HDLBP: variants seen among roughly 807,000 people sequenced by gnomAD.
The protein encoded by HDLBP is vigilin.
HDLBP carries 30 observed loss-of-function variants against 137.3 expected under a neutral mutation model. The observed-to-expected ratio is 0.22, with a 90% CI of 0.16 to 0.30. The LOEUF (loss-of-function observed/expected upper bound fraction) is 0.30. Among genes scored for constraint, HDLBP ranks in the 10% least tolerant of loss-of-function variants. The pLI, the probability that HDLBP is intolerant of heterozygous loss-of-function variation, is 1.00. For missense variants in HDLBP, 1,119 were observed against 1,667.3 expected, an observed-to-expected ratio of 0.67 and a Z score of 5.73; for synonymous variants, 606 against 596.0, an observed-to-expected ratio of 1.02 and a Z score of -0.24.
chr2:241,273,612 G>A (rs1360248035), intron 1 of HDLBP: 1 of 985,262 alleles, frequency 1.0e-6, no homozygotes, highest in African/African-American at 1.7e-5. Context: ...GCAATCTGTA[G>A]AGATGTCAGT....
Position 241,236,838 on chromosome 2 carries a change from A to G in HDLBP, c.2750-69T>C, listed in dbSNP as rs113351913. ...AGACCCCACACCTTGTTCAGAATGC[A>G]TATGTCTGTGAGGCACCTGCTGGGT... On this transcript the variant is annotated intron_variant, in intron 20 of 27. Coordinates refer to ENST00000310931, the MANE Select transcript of HDLBP (RefSeq NM_005336.6). The G allele has an allele frequency of 5.9e-4, 912 of 1,536,036 alleles. 3 individuals carry two copies. In the African/African-American group the frequency reaches 0.01, roughly 17 times the overall value.
chr2:241,248,662 A>G (rs971720673), intron 12 of HDLBP, among the ~76,000 whole-genome samples: 1 of 152,140 alleles, frequency 6.6e-6, no homozygotes, highest in Non-Finnish European at 1.5e-5. Context: ...AGTAATCACC[A>G]AAGCAATTCA....
rs376646376 is a variant in HDLBP, at chr2:241,230,973, G to A, written c.3289-29C>T. On this transcript the variant is annotated intron_variant, in intron 24 of 27. Coordinates refer to ENST00000310931, the MANE Select transcript of HDLBP (RefSeq NM_005336.6). This position sits in a 1 kb window ranked among gnomAD's most constrained non-coding sequence, Gnocchi z 5.0. ...AAAAAGGAGAATGTAGTCAGAAAAG[G>A]GGATGCCTTACTGGGATTCCCGTCA... 2.4e-4 allele frequency: 382 copies of A among 1,596,602 alleles called. No homozygotes were observed. The Middle Eastern group carries it at 2.8e-3, about 12-fold the overall frequency.
rs34675892 is a variant in HDLBP, at chr2:241,258,346, CAAAAAAAAAAA to C, written c.451-1551_451-1541del. Among the ~76,000 whole-genome samples the C allele has an allele frequency of 8.2e-3, 453 of 55,482 alleles. 2 individuals are homozygous for C. The highest frequency in any genetic ancestry group is 0.012 in the Non-Finnish European group (372 of 32,188). The allele number at this position is 55,482 out of a possible 152,430, so 36.4% of individuals were successfully genotyped here. A position where few individuals can be genotyped will look rare whatever the true frequency, so the allele number is the denominator to read the frequency against. ...TGGGCGACAGAGCAAGACTCCGTCT[CAAAAAAAAAAA>C]AAAAAAAAAAAAAAAAATTAGCTGG... On this transcript the variant is annotated intron_variant, in intron 5 of 27. Coordinates refer to ENST00000310931, the MANE Select transcript of HDLBP (RefSeq NM_005336.6).
chr2:241,267,814 C>T (rs2149550411), intron 2 of HDLBP: 1 of 1,467,696 alleles, frequency 6.8e-7, no homozygotes, highest in East Asian at 2.5e-5. Flanking sequence ...TCTCCCATCC[C>T]TCCAGGTGTG....
Position 241,273,164 on chromosome 2 carries a change from G to A in HDLBP, c.-102-4623C>T, listed in dbSNP as rs529496863. 2.1e-4 allele frequency: 207 copies of A among 985,504 alleles called. No homozygotes were observed. The African/African-American group carries it at 3.5e-3, about 16-fold the overall frequency. 61.0% of individuals were successfully genotyped at this position (985,504 alleles called of 1,614,324 possible). On this transcript the variant is annotated intron_variant, in intron 1 of 27. Coordinates refer to ENST00000310931, the MANE Select transcript of HDLBP (RefSeq NM_005336.6). ...AGTACCGCCCACCTCCCCAAAATCA[G>A]AAGAAAAACCTCAAAGGATGCCCAC...
At chr2:241,313,248 G>T (rs183890718) in intron 1 of HDLBP, among the ~76,000 whole-genome samples, 1 of 152,202 alleles carries the variant, frequency 6.6e-6, no homozygotes, top group African/African-American at 2.4e-5. Flanking sequence ...TAGACCACAA[G>T]CTGCCTGAGG....
chr2:241,292,826 G>T (rs1412432946), intron 1 of HDLBP, among the ~76,000 whole-genome samples: 2 of 152,118 alleles, frequency 1.3e-5, no homozygotes, highest in African/African-American at 4.8e-5. Context: ...AAAAGGAAAA[G>T]AAACCTGGGC....
intron 1 of HDLBP, among the ~76,000 whole-genome samples, chr2:241,299,654 G>A (rs1416401009): frequency 1.3e-5 from 2 of 152,024 alleles, no homozygotes; most frequent in Non-Finnish European, 2.9e-5. Flanking sequence ...GGTGGCTCAC[G>A]CCTGTAATCC....
At chr2:241,258,346 CAAAAAAAAAAAAAAAA>C (rs34675892) in intron 5 of HDLBP, among the ~76,000 whole-genome samples, 15 of 55,460 alleles carry the variant, frequency 2.7e-4, no homozygotes, top group Non-Finnish European at 4.0e-4. Context: ...GACTCCGTCT[CAAAAAAAAAAAAAAAA>C]AAAAAAAAAA....
At chr2:241,312,956 A>G (rs2075797161) in intron 1 of HDLBP, among the ~76,000 whole-genome samples, 3 of 152,136 alleles carry the variant, frequency 2.0e-5, no homozygotes, top group South Asian at 4.1e-4. Context: ...GCCCTCTACC[A>G]TTTGCCATGG....
rs2074214277 is a variant in HDLBP, at chr2:241,272,831, CG to C, written c.-102-4291del. The C allele has an allele frequency of 3.6e-6, 1 of 280,256 alleles. No homozygotes were observed. The highest frequency in any genetic ancestry group is 1.4e-4 in the South Asian group (1 of 7,328). 17.4% of individuals were successfully genotyped at this position (280,256 alleles called of 1,614,324 possible). A position where few individuals can be genotyped will look rare whatever the true frequency, so the allele number is the denominator to read the frequency against. ...CCGCGCGGGAGAAGCCGGGACGCTCCGAGGCGCGGCGCCCGGGCCCCGGCTG... is the reference window on the plus strand; with the variant it reads ...CCGCGCGGGAGAAGCCGGGACGCTCCAGGCGCGGCGCCCGGGCCCCGGCTG... On this transcript the variant is annotated intron_variant, in intron 1 of 27. Coordinates refer to ENST00000310931, the MANE Select transcript of HDLBP (RefSeq NM_005336.6). The surrounding 1 kb of genome is among the most constrained non-coding windows in gnomAD (Gnocchi z 5.6).
intron 1 of HDLBP, chr2:241,273,663 T>C (rs1366526586): frequency 1.0e-6 from 1 of 985,096 alleles, no homozygotes; most frequent in Non-Finnish European, 1.2e-6. Flanking sequence ...GAATCCTGCA[T>C]AGGGCACAGG....
chr2:241,240,050 C>T lies in HDLBP; in HGVS notation c.2242G>A (p.Gly748Ser), dbSNP rs1486987244. The change falls in exon 18 of 28, where the codon GGC (glycine) becomes AGC (serine). Residue 748 changes from glycine to serine, a missense_variant. This residue lies in a region of HDLBP where 618 missense variants were observed against 816.7 expected (regional missense o/e 0.76). Transcript: ENST00000310931. The surrounding 1 kb of genome is among the most constrained non-coding windows in gnomAD (Gnocchi z 5.5). ...CTGTCGCGCACCTTGCGAATTTTGC[C>T]GCCCCCCTTGCCGATGAGGAATTTG... ...YHKFLIGKGG[G>S]KIRKVRDSTG... The T allele has an allele frequency of 4.3e-6, 7 of 1,614,074 alleles. No individual in the cohort carries two copies. Among genetic ancestry groups the T allele is most frequent in the Admixed American group, 3.3e-5 (2 of 60,008 alleles).
intron 1 of HDLBP, among the ~76,000 whole-genome samples, chr2:241,277,495 C>T (rs1575007384): frequency 1.3e-5 from 2 of 152,216 alleles, no homozygotes; most frequent in South Asian, 2.1e-4. Flanking sequence ...TCAAAAACTA[C>T]AGCTAAAATG....
Position 241,229,586 on chromosome 2 carries a change from T to C in HDLBP, c.*15A>G, listed in dbSNP as rs776522556. ...TGGGTCAGCAGGCTGGAGAGGGTTC[T>C]GTTCTTTTTGATCATTATCGTTTGG... On this transcript the variant is annotated 3_prime_UTR_variant, in exon 28 of 28. Coordinates refer to ENST00000310931, the MANE Select transcript of HDLBP (RefSeq NM_005336.6). 1.3e-5 allele frequency: 21 copies of C among 1,600,396 alleles called. No individual in the cohort carries two copies. In the Admixed American group the frequency reaches 3.5e-4, roughly 27 times the overall value.
In HDLBP at chr2:241,239,372, C is replaced by T. The variant is rs994059202; in HGVS notation, c.2610+230G>A. On this transcript the variant is annotated intron_variant, in intron 19 of 27. Coordinates refer to ENST00000310931, the MANE Select transcript of HDLBP (RefSeq NM_005336.6). This position sits in a 1 kb window ranked among gnomAD's most constrained non-coding sequence, Gnocchi z 4.6. Reference sequence around the variant, plus strand: ...CTCCCCTCTCCTCTTCTCCTTCTCTCTCTCTTTTTTTTTTTAAGTGCTTCT... The same window carrying T: ...CTCCCCTCTCCTCTTCTCCTTCTCTTTCTCTTTTTTTTTTTAAGTGCTTCT... Among the ~76,000 whole-genome samples, 2 of 152,034 alleles carry T rather than the reference C, an allele frequency of 1.3e-5. No homozygotes were observed. The highest frequency in any genetic ancestry group is 2.9e-5 in the Non-Finnish European group (2 of 67,994).
intron 1 of HDLBP, among the ~76,000 whole-genome samples, chr2:241,302,296 G>A (rs148568883): frequency 2.0e-5 from 3 of 152,046 alleles, no homozygotes; most frequent in African/African-American, 7.2e-5. Flanking sequence ...GTTCACACCT[G>A]TAATCCCAGC....
In HDLBP at chr2:241,230,946, T is replaced by TA; in HGVS notation, c.3289-3dup. 6.2e-7 allele frequency: 1 copy of TA among 1,611,270 alleles called. No individual in the cohort carries two copies. The highest frequency in any genetic ancestry group is 1.1e-5 in the South Asian group (1 of 91,024). On this transcript the variant is annotated splice_polypyrimidine_tract_variant and splice_region_variant and intron_variant, in intron 24 of 27. Coordinates refer to ENST00000310931, the MANE Select transcript of HDLBP (RefSeq NM_005336.6). This position sits in a 1 kb window ranked among gnomAD's most constrained non-coding sequence, Gnocchi z 5.0. ...TGTGATGGTAATTTGGTCCTGGGGC[T>TA]AAAAAAGGAGAATGTAGTCAGAAAA...
Sources: allele counts gnomAD v4.1 joint callset (sites outside exome capture counted in the v4.1 genomes callset), GRCh38; gene constraint gnomAD v4.1.1; regional missense constraint gnomAD v4.1.1; non-coding constraint Gnocchi (gnomAD v3.1); transcripts MANE v1.5; gene names NCBI Gene and HGNC (gene_info 2026-07-23, HGNC 2026-07-21).